RNF13: variants seen among roughly 807,000 people sequenced by gnomAD.
RNF13 encodes the protein ring finger protein 13.
In RNF13, 19 loss-of-function variants were observed where a neutral mutation model predicts 37.7. The ratio of observed to expected loss-of-function variants is 0.50; its 90% CI spans 0.35 to 0.74. The LOEUF (loss-of-function observed/expected upper bound fraction) is 0.74. RNF13 is among the 30% of genes least tolerant of loss of function. The probability of loss-of-function intolerance (pLI) is 0.01; values close to 1 mark genes in which losing one functional copy is unlikely to be tolerated. For synonymous variants in RNF13, 144 were observed against 157.8 expected, an observed-to-expected ratio of 0.91 and a Z score of 0.65; for missense variants, 375 against 453.0, an observed-to-expected ratio of 0.83 and a Z score of 1.56.
At chr3:149,914,223 G>A (rs1465022010) in intron 7 of RNF13, among the ~76,000 whole-genome samples, 2 of 151,340 alleles carry the variant, frequency 1.3e-5, no homozygotes, top group African/African-American at 2.4e-5. Context: ...CTACTATCTT[G>A]TACTATAAGA....
At chr3:149,909,843 G>T (rs1716806122) in intron 6 of RNF13, among the ~76,000 whole-genome samples, 1 of 151,726 alleles carries the variant, frequency 6.6e-6, no homozygotes, top group African/African-American at 2.4e-5. Context: ...TTCTCACCTA[G>T]AAGCTCTGTT....
chr3:149,958,371 A>G (rs527393390), intron 8 of RNF13, among the ~76,000 whole-genome samples: 407 of 152,204 alleles, frequency 2.7e-3, no homozygotes, highest in Non-Finnish European at 4.7e-3. Context: ...TCTTCCCCCT[A>G]TCTTCAAAGC....
At chr3:149,822,387 T>A (rs889597756) in intron 1 of RNF13, 1 of 152,174 alleles carries the variant, frequency 6.6e-6, no homozygotes, top group South Asian at 2.1e-4. Flanking sequence ...ATTTGGATAC[T>A]ATTATACATG....
intron 6 of RNF13, among the ~76,000 whole-genome samples, chr3:149,903,891 C>A (rs1292080936): frequency 6.6e-6 from 1 of 151,908 alleles, no homozygotes; most frequent in Non-Finnish European, 1.5e-5. Context: ...GAATTGTAGA[C>A]CCGTACATAA....
At chr3:149,880,073 C>G (rs1320913940) in intron 4 of RNF13, among the ~76,000 whole-genome samples, 1 of 152,202 alleles carries the variant, frequency 6.6e-6, no homozygotes, top group Non-Finnish European at 1.5e-5. Context: ...AGAGATCTGT[C>G]GCTGGGTGGC....
intron 1 of RNF13, among the ~76,000 whole-genome samples, chr3:149,834,727 T>C (rs1446728642): frequency 6.6e-6 from 1 of 152,240 alleles, no homozygotes; most frequent in Non-Finnish European, 1.5e-5. Context: ...GGCTCCCTTT[T>C]GCCTTCTGCC....
chr3:149,869,608 A>G (rs1711774401), intron 3 of RNF13, among the ~76,000 whole-genome samples: 1 of 145,606 alleles, frequency 6.9e-6, no homozygotes, highest in South Asian at 2.1e-4. Flanking sequence ...TCCGCCTCAG[A>G]AAAAAAAAAA....
intron 1 of RNF13, among the ~76,000 whole-genome samples, chr3:149,815,021 T>G: frequency 6.6e-6 from 1 of 152,094 alleles, no homozygotes. Context: ...AGACAGAATC[T>G]TGGTTTGAGA....
At chr3:149,820,594 A>T (rs998904224) in intron 1 of RNF13, among the ~76,000 whole-genome samples, 1 of 152,194 alleles carries the variant, frequency 6.6e-6, no homozygotes, top group Non-Finnish European at 1.5e-5. Flanking sequence ...AGAGCTGCTT[A>T]TAATTTCCAC....
chr3:149,845,860 T>C (rs1722593454), intron 1 of RNF13, 151 bp from the exon 2 acceptor site: 1 of 551,472 alleles, frequency 1.8e-6, no homozygotes, highest in Non-Finnish European at 3.2e-6. Context: ...GTGTAAGTTC[T>C]TATGCTTTTG....
intron 1 of RNF13, among the ~76,000 whole-genome samples, chr3:149,822,219 G>A (rs1720049791): frequency 6.6e-6 from 1 of 152,110 alleles, no homozygotes. Flanking sequence ...TATTGAATCT[G>A]TAGATTGCTT....
At chr3:149,843,102 T>C (rs1576749504) in intron 1 of RNF13, among the ~76,000 whole-genome samples, 1 of 152,174 alleles carries the variant, frequency 6.6e-6, no homozygotes, top group Non-Finnish European at 1.5e-5. Context: ...ATACTGAACA[T>C]GTACAGACTA....
At chr3:149,872,944 A>T (rs1306721584) in intron 4 of RNF13, among the ~76,000 whole-genome samples, 1 of 152,252 alleles carries the variant, frequency 6.6e-6, no homozygotes, top group Non-Finnish European at 1.5e-5. Context: ...GAAAATGTAT[A>T]GTACTGTATA....
At chr3:149,908,250 A>G (rs149881271) in intron 6 of RNF13, among the ~76,000 whole-genome samples, 1 of 152,312 alleles carries the variant, frequency 6.6e-6, no homozygotes, top group Non-Finnish European at 1.5e-5. Context: ...GTTTTTGATC[A>G]GAGTGAGTAG....
chr3:149,827,972 A>C (rs1418613603), intron 1 of RNF13, among the ~76,000 whole-genome samples: 1 of 151,230 alleles, frequency 6.6e-6, no homozygotes, highest in Admixed American at 6.6e-5. Context: ...TTAAAGAAAC[A>C]GTTGTTATAA....
chr3:149,874,173 T>C lies in RNF13; in HGVS notation c.321+2019T>C, dbSNP rs143980565. The stretch of plus-strand genomic sequence containing the variant: ...TTTAACTTGGTTATTTTTTCCTCCA[T>C]AAATACACAGTGGAGTGTATTCTGG... On this transcript the variant is annotated intron_variant, in intron 4 of 9. Transcript: ENST00000392894. Among the ~76,000 whole-genome samples the C allele has an allele frequency of 2.8e-3, 433 of 152,282 alleles. 2 individuals carry two copies. Among genetic ancestry groups the C allele is most frequent in the African/African-American group, 1.0e-2 (414 of 41,560 alleles).
intron 4 of RNF13, among the ~76,000 whole-genome samples, 199 bp downstream of exon 4, chr3:149,872,353 T>G (rs543629250): frequency 1.3e-5 from 2 of 152,342 alleles, no homozygotes; most frequent in South Asian, 4.1e-4. Context: ...TGAACTGTGG[T>G]TTAACAGTGG....
intron 9 of RNF13, 31 bp from the exon 10 acceptor site, chr3:149,960,709 C>G: frequency 1.9e-6 from 3 of 1,561,618 alleles, no homozygotes; most frequent in Non-Finnish European, 2.6e-6. Flanking sequence ...CCGCAGCATA[C>G]TAACTAAAGA....
intron 5 of RNF13, among the ~76,000 whole-genome samples, chr3:149,896,271 T>C (rs1191895988): frequency 1.3e-5 from 2 of 152,130 alleles, no homozygotes; most frequent in East Asian, 1.9e-4. Flanking sequence ...ATAACCATAA[T>C]ATATTTTGTT....
Sources: gnomAD v4.1 joint callset for allele counts (sites outside exome capture counted in the v4.1 genomes callset) on GRCh38, gnomAD v4.1.1 for gene constraint, MANE v1.5 for transcripts, NCBI Gene and HGNC (gene_info 2026-07-23, HGNC 2026-07-21) for gene names.